Variants in NUP88 observed in about 807,000 individuals in gnomAD.
The protein encoded by NUP88 is nuclear pore complex protein Nup88.
Under a neutral mutation model 93.9 loss-of-function variants are expected in NUP88, and 57 were observed. The observed-to-expected ratio is 0.61, with a 90% CI of 0.49 to 0.76. The LOEUF (loss-of-function observed/expected upper bound fraction) is 0.76. Ranked by LOEUF, NUP88 falls within the 30% of genes least tolerant of loss-of-function variation. The pLI is 0.00. For synonymous variants in NUP88, 346 were observed against 336.8 expected (o/e 1.03, Z -0.30); for missense variants, 911 against 901.0 (o/e 1.01, Z -0.14).
intron 5 of NUP88, among the ~76,000 whole-genome samples, chr17:5,406,774 GAAAA>G (rs1913519466): frequency 2.0e-5 from 1 of 50,452 alleles, no homozygotes; most frequent in Non-Finnish European, 3.9e-5. Flanking sequence ...AAAAAAAAAA[GAAAA>G]GAAAAGAAAA....
intron 9 of NUP88, among the ~76,000 whole-genome samples, chr17:5,393,459 T>C (rs1363431790): frequency 1.5e-4 from 21 of 141,640 alleles, no homozygotes; most frequent in Non-Finnish European, 1.5e-5. Context: ...TTTTTTGAGA[T>C]GGAGTCTCAC....
intron 5 of NUP88, among the ~76,000 whole-genome samples, chr17:5,407,438 A>C (rs1913564327): frequency 6.6e-6 from 1 of 152,150 alleles, no homozygotes; most frequent in Non-Finnish European, 1.5e-5. Flanking sequence ...CTTGCCTTCA[A>C]TCTTGTATTT....
chr17:5,412,251 T>A (rs1567576623), intron 3 of NUP88, among the ~76,000 whole-genome samples: 1 of 152,056 alleles, frequency 6.6e-6, no homozygotes, highest in Non-Finnish European at 1.5e-5. Flanking sequence ...AGGAGTACAG[T>A]ATAATGTTTG....
chr17:5,407,331 G>A (rs1464617118), intron 5 of NUP88, among the ~76,000 whole-genome samples: 1 of 152,142 alleles, frequency 6.6e-6, no homozygotes, highest in Non-Finnish European at 1.5e-5. Context: ...TCACACTCCT[G>A]AAGAACCCGG....
intron 2 of NUP88, among the ~76,000 whole-genome samples, chr17:5,415,312 G>A (rs974269466): frequency 2.6e-5 from 4 of 152,102 alleles, no homozygotes; most frequent in African/African-American, 7.2e-5. Flanking sequence ...GAGCCATCGT[G>A]CCTGGCTCCA....
intron 3 of NUP88, among the ~76,000 whole-genome samples, chr17:5,413,064 T>A (rs1242029525): frequency 1.3e-5 from 2 of 152,224 alleles, no homozygotes; most frequent in African/African-American, 4.8e-5. Context: ...AGGGTTTTAC[T>A]CTGTCACCCA....
chr17:5,405,389 C>T (rs1913435663), intron 5 of NUP88, 146 bp from the exon 6 acceptor site: 4 of 687,478 alleles, frequency 5.8e-6, no homozygotes, highest in Non-Finnish European at 9.4e-6. Context: ...TTCTCGCTTT[C>T]CCACTCAGAT....
chr17:5,417,312 A>T (rs1914208597), intron 1 of NUP88, among the ~76,000 whole-genome samples: 1 of 152,132 alleles, frequency 6.6e-6, no homozygotes, highest in Non-Finnish European at 1.5e-5. Flanking sequence ...ATACAAAAAT[A>T]AGTAAATAGC....
chr17:5,392,821 A>T (rs562964078), intron 9 of NUP88, among the ~76,000 whole-genome samples: 15 of 152,180 alleles, frequency 9.9e-5, no homozygotes, highest in Admixed American at 4.6e-4. Flanking sequence ...ATAGGGTCTC[A>T]CTCTGTTGCC....
At chr17:5,408,019 T>C (rs1806250) in intron 5 of NUP88, among the ~76,000 whole-genome samples, 1 of 38,172 alleles carries the variant, frequency 2.6e-5, no homozygotes, top group Non-Finnish European at 4.3e-5. Flanking sequence ...ACACTCACTC[T>C]TTTAACGAGG....
rs763778019 is a variant in NUP88, at chr17:5,387,380, A to ACTGAC, written c.1916+1_1916+5dup. 44 of 1,610,420 alleles carry ACTGAC rather than the reference A, an allele frequency of 2.7e-5. No individual in the cohort carries two copies. The highest frequency in any genetic ancestry group is 3.7e-5 in the Non-Finnish European group (44 of 1,176,814). On this transcript the variant is annotated splice_donor_region_variant and intron_variant, in intron 14 of 16. Transcript: ENST00000573584. The stretch of plus-strand genomic sequence containing the variant: ...TAGGTAACTAAATGTTATACAGCCC[A>ACTGAC]CTGACCTGTTCATGATATCCTCTTG...
Position 5,387,045 on chromosome 17 carries a change from AT to A in NUP88, c.1981del (p.Met661Ter). On this transcript the variant is annotated frameshift_variant, in exon 15 of 17. Coordinates refer to ENST00000573584, the MANE Select transcript of NUP88 (RefSeq NM_002532.6). LOFTEE classifies it high-confidence loss of function. ...LPVLSDSERD[M>X]KKELQLIPDQ... ...AGGTATCAGCTGTAATTCTTTCTTC[AT>A]GTCTCGCTCACTATCAGAGAGAACT... The A allele has an allele frequency of 3.7e-6, 6 of 1,614,116 alleles. No homozygotes were observed. The highest frequency in any genetic ancestry group is 5.1e-6 in the Non-Finnish European group (6 of 1,179,990).
chr17:5,410,161 G>A (rs547483323), intron 4 of NUP88, among the ~76,000 whole-genome samples: 3 of 152,144 alleles, frequency 2.0e-5, no homozygotes, highest in Non-Finnish European at 4.4e-5. Context: ...TATTGAAACA[G>A]GCTATAGCTA....
chr17:5,408,965 A>T (rs1289898472), intron 4 of NUP88, 56 bp from the exon 5 acceptor site: 1 of 1,455,300 alleles, frequency 6.9e-7, no homozygotes, highest in Non-Finnish European at 9.2e-7. Flanking sequence ...AAAAGTAAAA[A>T]GAAAAACAAA....
rs191557114 is a variant in NUP88, at chr17:5,400,922, T to C, written c.1193-1272A>G. ...ATTTATAACTAAGAAGTATGAGTAG[T>C]TGTTATACAATTTTAATTAACTGAT... On this transcript the variant is annotated intron_variant, in intron 7 of 16. Coordinates refer to ENST00000573584, the MANE Select transcript of NUP88 (RefSeq NM_002532.6). 3.3e-3 allele frequency among the ~76,000 whole-genome samples: 499 copies of C among 152,292 alleles called. 4 individuals are homozygous for C. Among genetic ancestry groups the C allele is most frequent in the African/African-American group, 0.012 (485 of 41,568 alleles).
chr17:5,391,763 G>A, intron 9 of NUP88, 101 bp from the exon 10 acceptor site: 3 of 906,688 alleles, frequency 3.3e-6, no homozygotes, highest in South Asian at 2.8e-5. Flanking sequence ...CTGGGCTGAA[G>A]TTGCTTGGGA....
chr17:5,391,041 T>C (rs921425413), intron 10 of NUP88, among the ~76,000 whole-genome samples: 1 of 152,094 alleles, frequency 6.6e-6, no homozygotes, highest in Admixed American at 6.6e-5. Context: ...ATGGAGAAAT[T>C]AAAGAGTATG....
Position 5,410,698 on chromosome 17 carries a change from C to T in NUP88, c.680+5G>A, listed in dbSNP as rs1360024317. ...AACCATTTCAAGACTCAAATAAAAACTTACCCTTTATTGAGTACTAGACTT... is the reference window on the plus strand; with the variant it reads ...AACCATTTCAAGACTCAAATAAAAATTTACCCTTTATTGAGTACTAGACTT... On this transcript the variant is annotated splice_donor_5th_base_variant and intron_variant, in intron 4 of 16. Coordinates refer to ENST00000573584, the MANE Select transcript of NUP88 (RefSeq NM_002532.6). 4 of 1,550,752 alleles carry T rather than the reference C, an allele frequency of 2.6e-6. No homozygotes were observed. The highest frequency in any genetic ancestry group is 1.8e-5 in the Admixed American group (1 of 55,126).
At chr17:5,390,163 C>CAAAAA (rs34058484) in intron 10 of NUP88, among the ~76,000 whole-genome samples, 1 of 89,104 alleles carries the variant, frequency 1.1e-5, no homozygotes. Flanking sequence ...AACTCCGTCT[C>CAAAAA]AAAAAAAAAA....
Sources: gnomAD v4.1 joint callset for allele counts (sites outside exome capture counted in the v4.1 genomes callset) on GRCh38, gnomAD v4.1.1 for gene constraint, MANE v1.5 for transcripts, NCBI Gene and HGNC (gene_info 2026-07-23, HGNC 2026-07-21) for gene names.